OPCML: variants seen among roughly 807,000 people sequenced by gnomAD.
OPCML encodes opioid binding protein/cell adhesion molecule like, also known as opioid-binding protein/cell adhesion molecule.
In OPCML, 13 loss-of-function variants were observed where a neutral mutation model predicts 37.8. The observed-to-expected ratio is 0.34, with a 90% CI of 0.22 to 0.55. The LOEUF (loss-of-function observed/expected upper bound fraction) is 0.55, where lower values mean the gene tolerates loss of function less well. Ranked by LOEUF, OPCML falls within the 20% of genes least tolerant of loss-of-function variation. OPCML has a pLI of 0.91. For synonymous variants in OPCML, 176 were observed against 168.8 expected (o/e 1.04, Z -0.33); for missense variants, 341 against 435.6 (o/e 0.78, Z 1.93).
At chr11:132,940,435 C>G (rs1273569679) in intron 2 of OPCML, among the ~76,000 whole-genome samples, 1 of 152,168 alleles carries the variant, frequency 6.6e-6, no homozygotes, top group African/African-American at 2.4e-5. Context: ...ACACTCAGTT[C>G]CCAGGTAATG....
chr11:132,434,670 G>A (rs2096007467), intron 7 of OPCML, among the ~76,000 whole-genome samples: 1 of 152,112 alleles, frequency 6.6e-6, no homozygotes, highest in South Asian at 2.1e-4. Flanking sequence ...TTGGTAAATA[G>A]CAGATATTAT....
chr11:132,633,932 G>A (rs7948377), intron 3 of OPCML, among the ~76,000 whole-genome samples: 106,804 of 152,074 alleles, frequency 0.7, 38,159 homozygotes, highest in African/African-American at 0.83. Context: ...CAGGGCTACA[G>A]TGAGAGCCTC....
At chr11:133,252,022 T>G (rs1476237618) in intron 1 of OPCML, among the ~76,000 whole-genome samples, 1 of 152,126 alleles carries the variant, frequency 6.6e-6, no homozygotes, top group Non-Finnish European at 1.5e-5. Flanking sequence ...GGAGTGGGCC[T>G]TTAGGAAAAG....
chr11:132,691,828 G>T (rs1943416272), intron 2 of OPCML, among the ~76,000 whole-genome samples: 1 of 152,174 alleles, frequency 6.6e-6, no homozygotes, highest in Non-Finnish European at 1.5e-5. Flanking sequence ...TCTTTTTCCA[G>T]AAATCCATTT....
Position 133,351,516 on chromosome 11 carries a change from T to C in OPCML, c.61+180748A>G, listed in dbSNP as rs374968850. 5.2e-5 allele frequency among the ~76,000 whole-genome samples: 7 copies of C among 133,822 alleles called. No homozygotes were observed. In the East Asian group the frequency reaches 1.5e-3, roughly 28 times the overall value. 87.8% of individuals were successfully genotyped at this position (133,822 alleles called of 152,430 possible). Reference sequence around the variant, plus strand: ...TGCTTGTTAATTGTTAGGTCATTGCTACTTCTGGGTCACCTAAGCCTCTCC... The same window carrying C: ...TGCTTGTTAATTGTTAGGTCATTGCCACTTCTGGGTCACCTAAGCCTCTCC... On this transcript the variant is annotated intron_variant, in intron 1 of 7. Coordinates refer to ENST00000524381, the MANE Select transcript of OPCML (RefSeq NM_001012393.5).
chr11:132,875,679 G>A (rs754309915), intron 2 of OPCML, among the ~76,000 whole-genome samples: 2 of 152,068 alleles, frequency 1.3e-5, no homozygotes, highest in Non-Finnish European at 2.9e-5. Flanking sequence ...GGTCAGGCTG[G>A]TCTCGAACTC....
At chr11:132,647,200 G>A (rs895455878) in intron 3 of OPCML, among the ~76,000 whole-genome samples, 2 of 152,178 alleles carry the variant, frequency 1.3e-5, no homozygotes, top group East Asian at 1.9e-4. Context: ...CACTGTCAAC[G>A]GAAGTGAGTT....
chr11:133,257,095 C>G (rs906528552), intron 1 of OPCML, among the ~76,000 whole-genome samples: 6 of 152,220 alleles, frequency 3.9e-5, no homozygotes, highest in Non-Finnish European at 7.3e-5. Context: ...ATTTAGCAAT[C>G]AGCTCTTTGC....
At chr11:132,931,060 G>A (rs1029559437) in intron 2 of OPCML, among the ~76,000 whole-genome samples, 5 of 152,026 alleles carry the variant, frequency 3.3e-5, no homozygotes, top group African/African-American at 1.2e-4. Context: ...ACCATTCAGT[G>A]GGGAGAGGAC....
At chr11:133,215,613 A>G (rs1939552201) in intron 1 of OPCML, among the ~76,000 whole-genome samples, 1 of 152,136 alleles carries the variant, frequency 6.6e-6, no homozygotes, top group Non-Finnish European at 1.5e-5. Flanking sequence ...TAAAGCAAAA[A>G]ATTCCTCTGG....
chr11:132,478,493 C>A (rs376411125), intron 4 of OPCML, among the ~76,000 whole-genome samples: 1 of 152,090 alleles, frequency 6.6e-6, no homozygotes, highest in Admixed American at 6.5e-5. Context: ...CATGAGCCCC[C>A]CAAAGAGTCA....
chr11:133,235,210 C>T (rs1426235140), intron 1 of OPCML, among the ~76,000 whole-genome samples: 1 of 152,190 alleles, frequency 6.6e-6, no homozygotes, highest in Non-Finnish European at 1.5e-5. Flanking sequence ...GCATTTTGTG[C>T]TTTTGTGTTT....
At chr11:133,359,443 G>C (rs1388435864) in intron 1 of OPCML, among the ~76,000 whole-genome samples, 2 of 152,300 alleles carry the variant, frequency 1.3e-5, no homozygotes, top group South Asian at 4.1e-4. Flanking sequence ...TATGACTAGT[G>C]CTGACATCAG....
intron 1 of OPCML, among the ~76,000 whole-genome samples, chr11:133,227,182 C>T (rs192715141): frequency 4.6e-4 from 70 of 152,238 alleles, no homozygotes; most frequent in Admixed American, 1.7e-3. Context: ...CTGTGAACTC[C>T]GAGGATGGCG....
intron 4 of OPCML, among the ~76,000 whole-genome samples, chr11:132,526,573 T>C (rs994603240): frequency 7.2e-5 from 11 of 152,150 alleles, no homozygotes; most frequent in African/African-American, 1.9e-4. Context: ...GGAGCAAAAA[T>C]ACGTGTTCTC....
intron 1 of OPCML, among the ~76,000 whole-genome samples, chr11:133,074,162 A>C (rs1372236364): frequency 2.6e-5 from 4 of 152,214 alleles, no homozygotes; most frequent in Non-Finnish European, 5.9e-5. Context: ...ATGTAAATCT[A>C]CTTGAAACAT....
At position 132,556,097 on chromosome 11, in the gene OPCML, C is replaced by T. The variant is rs542148503; in HGVS notation, c.380-26911G>A. 3.3e-5 allele frequency among the ~76,000 whole-genome samples: 5 copies of T among 152,030 alleles called. No homozygotes were observed. In the South Asian group the frequency reaches 1.0e-3, roughly 32 times the overall value. ...GCGTCTACAGGTGTGCACGAACACA[C>T]CCAGCTAATTTAGAAAAAAAAATTT... On this transcript the variant is annotated intron_variant, in intron 3 of 7. Coordinates refer to ENST00000524381, the MANE Select transcript of OPCML (RefSeq NM_001012393.5).
chr11:133,385,740 C>T (rs1945032626), intron 1 of OPCML, among the ~76,000 whole-genome samples: 1 of 152,104 alleles, frequency 6.6e-6, no homozygotes, highest in African/African-American at 2.4e-5. Context: ...ATCCCAGATG[C>T]TCAAAATGCC....
At chr11:132,614,095 A>G (rs1250608727) in intron 3 of OPCML, among the ~76,000 whole-genome samples, 1 of 152,132 alleles carries the variant, frequency 6.6e-6, no homozygotes, top group Non-Finnish European at 1.5e-5. Flanking sequence ...CAAGCTGTCC[A>G]GAATATGACC....
Sources: allele counts gnomAD v4.1 joint callset (sites outside exome capture counted in the v4.1 genomes callset), GRCh38; gene constraint gnomAD v4.1.1; transcripts MANE v1.5; gene names NCBI Gene and HGNC (gene_info 2026-07-23, HGNC 2026-07-21).